The following RASSF6 variants were observed in gnomAD, a reference collection of about 807,000 sequenced individuals.
The protein encoded by RASSF6 is Ras association domain family member 6, also known as ras association domain-containing protein 6.
A neutral mutation model predicts 44.0 loss-of-function variants in RASSF6; 52 were observed. The observed-to-expected ratio is 1.18, with a 90% CI of 0.95 to 1.49. The LOEUF is 1.49. Among genes scored for constraint, RASSF6 ranks in the 40% most tolerant of loss-of-function variants. The pLI is 0.00. For synonymous variants in RASSF6, 162 were observed against 124.6 expected (o/e 1.30, Z -2.00); for missense variants, 464 against 393.3 (o/e 1.18, Z -1.52).
At chr4:73,581,995 T>C (rs1560440406) in intron 7 of RASSF6, 127 bp from the exon 8 acceptor site, 1 of 730,742 alleles carries the variant, frequency 1.4e-6, no homozygotes, top group Non-Finnish European at 2.2e-6. Context: ...AAATCTTCTC[T>C]GCTCTTATGG....
chr4:73,600,176 C>T (rs553967780), intron 2 of RASSF6, among the ~76,000 whole-genome samples: 2 of 152,264 alleles, frequency 1.3e-5, no homozygotes, highest in East Asian at 3.9e-4. Context: ...ATATATTTTA[C>T]TTATTTCCTT....
chr4:73,614,329 A>T (rs1364115472), intron 1 of RASSF6, among the ~76,000 whole-genome samples: 1 of 152,160 alleles, frequency 6.6e-6, no homozygotes, highest in Non-Finnish European at 1.5e-5. Context: ...TTGAAACTTA[A>T]CCCCCAATGC....
chr4:73,620,392 A>G lies in RASSF6; in HGVS notation c.-139T>C. The G allele has an allele frequency of 6.5e-7, 1 of 1,532,790 alleles. No homozygotes were observed. The highest frequency in any genetic ancestry group is 2.2e-5 in the Admixed American group (1 of 46,384). The allele number at this position is 1,532,790 out of a possible 1,614,324, so 94.9% of individuals were successfully genotyped here. On this transcript the variant is annotated 5_prime_UTR_variant, in exon 1 of 11. Coordinates refer to ENST00000307439, the MANE Select transcript of RASSF6 (RefSeq NM_177532.5). ...TGGGTCAGGAACTCTGGTAGAGGGA[A>G]ACCAGTGCCCTGTCTCTGCCGGGCT...
chr4:73,577,131 A>G (rs1378926524), intron 8 of RASSF6, among the ~76,000 whole-genome samples: 9 of 152,094 alleles, frequency 5.9e-5, no homozygotes, highest in Admixed American at 5.2e-4. Context: ...CAGGTCCAAA[A>G]CCATGTAATT....
chr4:73,616,107 C>T (rs886353675), intron 1 of RASSF6, among the ~76,000 whole-genome samples: 20 of 152,166 alleles, frequency 1.3e-4, no homozygotes, highest in Admixed American at 6.5e-4. Flanking sequence ...GTGCTAGGCA[C>T]AGAAAGTATA....
chr4:73,594,060 G>A (rs768896510), intron 3 of RASSF6, among the ~76,000 whole-genome samples: 8 of 152,212 alleles, frequency 5.3e-5, no homozygotes, highest in South Asian at 2.1e-4. Context: ...AAAATAACAC[G>A]TGTGAAAACA....
At chr4:73,589,811 C>T (rs942588229) in intron 4 of RASSF6, among the ~76,000 whole-genome samples, 1 of 151,896 alleles carries the variant, frequency 6.6e-6, no homozygotes, top group African/African-American at 2.4e-5. Context: ...ATATCATTTG[C>T]AAATTTAAAT....
chr4:73,615,854 T>C, intron 1 of RASSF6: 4 of 1,535,520 alleles, frequency 2.6e-6, no homozygotes, highest in Non-Finnish European at 3.5e-6. Context: ...CCCCCTGCTC[T>C]GCATTCCTGC....
rs761198384 is a variant in RASSF6, at chr4:73,576,214, T to C, written c.*21A>G. On this transcript the variant is annotated 3_prime_UTR_variant, in exon 11 of 11. Transcript: ENST00000307439. ...TATCTCTGAGTTTTTTGAAATGTTT[T>C]AGCAATAGAAGCTTGTACTGCTAAA... is the stretch of plus-strand genomic sequence containing the variant. 1 of 1,379,252 alleles carries C rather than the reference T, an allele frequency of 7.3e-7. No homozygotes were observed. Among genetic ancestry groups the C allele is most frequent in the South Asian group, 1.3e-5 (1 of 79,816 alleles). 85.4% of individuals were successfully genotyped at this position (1,379,252 alleles called of 1,614,324 possible).
intron 2 of RASSF6, among the ~76,000 whole-genome samples, chr4:73,600,736 C>A (rs1267764071): frequency 1.3e-5 from 2 of 151,872 alleles, no homozygotes; most frequent in South Asian, 4.1e-4. Flanking sequence ...ATAAAAAGAT[C>A]CTCCTGAAGT....
At chr4:73,617,460 C>T (rs1041188396) in intron 1 of RASSF6, among the ~76,000 whole-genome samples, 3 of 152,206 alleles carry the variant, frequency 2.0e-5, no homozygotes, top group Admixed American at 6.5e-5. Flanking sequence ...TCTGGAATTA[C>T]TGGTGTGGTG....
At chr4:73,589,193 C>G (rs918818772) in intron 4 of RASSF6, among the ~76,000 whole-genome samples, 10 of 152,088 alleles carry the variant, frequency 6.6e-5, no homozygotes, top group Non-Finnish European at 1.5e-5. Flanking sequence ...GCAAGCTGTA[C>G]TATTCAGAAT....
chr4:73,591,484 A>G (rs1724554343), intron 4 of RASSF6, among the ~76,000 whole-genome samples: 1 of 152,210 alleles, frequency 6.6e-6, no homozygotes, highest in Non-Finnish European at 1.5e-5. Flanking sequence ...AGGTAATATG[A>G]AGTATGGTAG....
intron 1 of RASSF6, among the ~76,000 whole-genome samples, chr4:73,617,494 C>T (rs531107776): frequency 6.6e-6 from 1 of 152,334 alleles, no homozygotes; most frequent in Admixed American, 6.5e-5. Context: ...TTCTGCTTCA[C>T]CTGAGCTTCC....
At chr4:73,582,564 A>C (rs1410246636) in intron 6 of RASSF6, among the ~76,000 whole-genome samples, 1 of 152,142 alleles carries the variant, frequency 6.6e-6, no homozygotes, top group East Asian at 1.9e-4. Flanking sequence ...AGTGCAGTTT[A>C]AGATTTCAAA....
intron 3 of RASSF6, among the ~76,000 whole-genome samples, chr4:73,594,039 G>T (rs562206278): frequency 1.3e-5 from 2 of 152,322 alleles, no homozygotes; most frequent in Non-Finnish European, 2.9e-5. Flanking sequence ...ACAAAGTTAT[G>T]CAAAACAAGT....
chr4:73,604,884 CT>C lies in RASSF6; in HGVS notation c.66-6167del, dbSNP rs35609056. On this transcript the variant is annotated intron_variant, in intron 2 of 10. Coordinates refer to ENST00000307439, the MANE Select transcript of RASSF6 (RefSeq NM_177532.5). Reference sequence around the variant, plus strand: ...ATATACCTTATAAATCATTTTCTTTCTTTTTTTTTTTTTTTGTTTTTTGAGA... The same window carrying C: ...ATATACCTTATAAATCATTTTCTTTCTTTTTTTTTTTTTTGTTTTTTGAGA... Among the ~76,000 whole-genome samples, 744 of 138,262 alleles carry C rather than the reference CT, an allele frequency of 5.4e-3. 2 individuals carry two copies. The highest frequency in any genetic ancestry group is 0.013 in the African/African-American group (498 of 37,574). 90.7% of individuals were successfully genotyped at this position (138,262 alleles called of 152,430 possible). A position where few individuals can be genotyped will look rare whatever the true frequency, so the allele number is the denominator to read the frequency against.
At chr4:73,590,545 G>A (rs1724465528) in intron 4 of RASSF6, among the ~76,000 whole-genome samples, 1 of 152,156 alleles carries the variant, frequency 6.6e-6, no homozygotes, top group Non-Finnish European at 1.5e-5. Flanking sequence ...ACAACCAGAG[G>A]GAGGGTGTCT....
In RASSF6 at chr4:73,576,453, A is replaced by T; in HGVS notation, c.895T>A (p.Leu299Ile). The T allele has an allele frequency of 6.3e-7, 1 of 1,584,890 alleles. No individual in the cohort carries two copies. The change falls in exon 10 of 11, where the codon TTA becomes ATA. Residue 299 changes from leucine to isoleucine, a missense_variant. Coordinates refer to ENST00000307439, the MANE Select transcript of RASSF6 (RefSeq NM_177532.5). Reference protein sequence around the residue: ...FSLLESILQRLNEEEKREIQR... With the variant: ...FSLLESILQRINEEEKREIQR... ...ATCTCTCTTTTCTCTTCTTCATTTA[A>T]TCTTTGAAGAATGGATTCCAAGAGA...
Sources: allele counts gnomAD v4.1 joint callset (sites outside exome capture counted in the v4.1 genomes callset), GRCh38; gene constraint gnomAD v4.1.1; transcripts MANE v1.5; gene names NCBI Gene and HGNC (gene_info 2026-07-23, HGNC 2026-07-21).